Variants in THRB observed in about 807,000 individuals in gnomAD.
The protein encoded by THRB is nuclear receptor subfamily 1 group A member 2.
A neutral mutation model predicts 47.8 loss-of-function variants in THRB; 12 were observed. That is an observed-to-expected ratio of 0.25 (90% confidence interval 0.16 to 0.41). THRB has a LOEUF of 0.41. THRB is among the 10% of genes least tolerant of loss of function. The pLI is 1.00. For synonymous variants in THRB, 218 were observed against 212.2 expected (o/e 1.03, Z -0.24); for missense variants, 348 against 589.2 (o/e 0.59, Z 4.24).
chr3:24,439,498 T>C (rs1050779371), intron 1 of THRB, among the ~76,000 whole-genome samples: 37 of 152,278 alleles, frequency 2.4e-4, no homozygotes, highest in African/African-American at 8.4e-4. Flanking sequence ...TCTATATTCT[T>C]TACACTTAAT....
chr3:24,217,737 G>T (rs942383324), intron 4 of THRB, among the ~76,000 whole-genome samples: 4 of 152,078 alleles, frequency 2.6e-5, no homozygotes, highest in African/African-American at 9.7e-5. Flanking sequence ...CCTCCATCCT[G>T]CAGGACGCTA....
chr3:24,251,822 C>G (rs1422036599), intron 3 of THRB, among the ~76,000 whole-genome samples: 3 of 152,086 alleles, frequency 2.0e-5, no homozygotes, highest in Non-Finnish European at 2.9e-5. Flanking sequence ...TGTAAATCAG[C>G]ATAATTCTGA....
chr3:24,247,082 T>C (rs539341033), intron 3 of THRB, among the ~76,000 whole-genome samples: 18 of 152,344 alleles, frequency 1.2e-4, no homozygotes, highest in African/African-American at 3.6e-4. Context: ...AAAGGCCAAC[T>C]AGACAAAACG....
chr3:24,165,813 A>T (rs2039573815), intron 5 of THRB, among the ~76,000 whole-genome samples: 1 of 152,208 alleles, frequency 6.6e-6, no homozygotes, highest in Non-Finnish European at 1.5e-5. Flanking sequence ...ACTCATTGTT[A>T]TGTCATTTTG....
intron 1 of THRB, among the ~76,000 whole-genome samples, chr3:24,386,584 A>T (rs1223344243): frequency 1.3e-5 from 2 of 152,222 alleles, no homozygotes; most frequent in South Asian, 4.1e-4. Flanking sequence ...CGTTTTAGTC[A>T]TATCTCCCAT....
chr3:24,464,513 T>C (rs190052491), intron 1 of THRB, among the ~76,000 whole-genome samples: 12 of 152,328 alleles, frequency 7.9e-5, no homozygotes, highest in Admixed American at 7.2e-4. Context: ...TGAGTTACTA[T>C]TTTTAGGTCT....
chr3:24,469,226 C>A (rs930296723), intron 1 of THRB, among the ~76,000 whole-genome samples: 8 of 152,206 alleles, frequency 5.3e-5, no homozygotes, highest in Non-Finnish European at 7.4e-5. Flanking sequence ...ATCAAAACAT[C>A]TATTTCACTC....
At chr3:24,180,320 T>C (rs1188817766) in intron 5 of THRB, among the ~76,000 whole-genome samples, 2 of 152,166 alleles carry the variant, frequency 1.3e-5, no homozygotes, top group Non-Finnish European at 2.9e-5. Context: ...TCATAGAATA[T>C]TGCAGTCTAG....
At chr3:24,367,320 TG>T (rs1255148581) in intron 1 of THRB, among the ~76,000 whole-genome samples, 2 of 152,216 alleles carry the variant, frequency 1.3e-5, no homozygotes, top group Non-Finnish European at 2.9e-5. Flanking sequence ...GAGTAAGGGA[TG>T]GTAAAAACCC....
intron 3 of THRB, among the ~76,000 whole-genome samples, chr3:24,241,261 C>A (rs780205500): frequency 2.0e-5 from 3 of 152,258 alleles, no homozygotes; most frequent in South Asian, 2.1e-4. Flanking sequence ...GGGGTTTTCA[C>A]GGCAGAATCA....
At chr3:24,355,629 AT>A (rs1357808746) in intron 1 of THRB, among the ~76,000 whole-genome samples, 2 of 152,194 alleles carry the variant, frequency 1.3e-5, no homozygotes, top group African/African-American at 4.8e-5. Context: ...ACTTAGTAGT[AT>A]AAAAAACCAC....
chr3:24,275,236 A>G (rs1033127439), intron 3 of THRB, among the ~76,000 whole-genome samples: 2 of 152,156 alleles, frequency 1.3e-5, no homozygotes, highest in African/African-American at 4.8e-5. Context: ...ATAGTCTTGA[A>G]AAACTAAAAA....
At chr3:24,132,730 T>C (rs1265327413) in intron 9 of THRB, among the ~76,000 whole-genome samples, 1 of 152,188 alleles carries the variant, frequency 6.6e-6, no homozygotes. Context: ...AAGAGTGAGC[T>C]TATAGGAAAA....
At chr3:24,259,964 TCA>T (rs1173589969) in intron 3 of THRB, among the ~76,000 whole-genome samples, 3 of 152,154 alleles carry the variant, frequency 2.0e-5, no homozygotes, top group African/African-American at 7.2e-5. Flanking sequence ...CATGGTACAT[TCA>T]CAGAGTTGTG....
At chr3:24,261,461 T>C (rs981548901) in intron 3 of THRB, among the ~76,000 whole-genome samples, 8 of 135,010 alleles carry the variant, frequency 5.9e-5, no homozygotes, top group East Asian at 4.7e-4. Flanking sequence ...ATCGTGCCAC[T>C]GCACTCCAGC....
At chr3:24,131,981 A>G (rs1290209408) in intron 9 of THRB, among the ~76,000 whole-genome samples, 1 of 152,196 alleles carries the variant, frequency 6.6e-6, no homozygotes, top group Non-Finnish European at 1.5e-5. Context: ...CCCGAAGCCC[A>G]CTTTCCTGTC....
chr3:24,149,398 A>C (rs1465507055), intron 6 of THRB, among the ~76,000 whole-genome samples: 1 of 152,198 alleles, frequency 6.6e-6, no homozygotes, highest in Non-Finnish European at 1.5e-5. Flanking sequence ...ACTCATGTTC[A>C]GGGGTGGGTT....
chr3:24,378,854 T>C (rs941776394), intron 1 of THRB, among the ~76,000 whole-genome samples: 8 of 152,138 alleles, frequency 5.3e-5, no homozygotes, highest in African/African-American at 1.9e-4. Flanking sequence ...TAGGGAGAAA[T>C]CTAGAAATAT....
chr3:24,194,415 G>A (rs149732111), intron 4 of THRB, among the ~76,000 whole-genome samples: 45 of 152,118 alleles, frequency 3.0e-4, no homozygotes, highest in African/African-American at 8.4e-4. Flanking sequence ...ATTATGAACC[G>A]TTTACTCTTT....
Sources: allele counts gnomAD v4.1 joint callset (sites outside exome capture counted in the v4.1 genomes callset), GRCh38; gene constraint gnomAD v4.1.1; transcripts MANE v1.5; gene names NCBI Gene and HGNC (gene_info 2026-07-23, HGNC 2026-07-21).